Variants in CCDC7 observed in about 807,000 individuals in gnomAD.
CCDC7 encodes the protein coiled-coil domain-containing protein 7.
In CCDC7, 183 loss-of-function variants were observed where a neutral mutation model predicts 196.9. That is an observed-to-expected ratio of 0.93 (90% confidence interval 0.82 to 1.05). CCDC7 has a LOEUF of 1.05. Among genes scored for constraint, CCDC7 ranks in the 50% least tolerant of loss-of-function variants. The probability of loss-of-function intolerance (pLI) is 0.00; values close to 1 mark genes in which losing one functional copy is unlikely to be tolerated. For synonymous variants in CCDC7, 525 were observed against 484.6 expected, an observed-to-expected ratio of 1.08 and a Z score of -1.10; for missense variants, 1,540 against 1,482.2, an observed-to-expected ratio of 1.04 and a Z score of -0.64.
intron 30 of CCDC7, among the ~76,000 whole-genome samples, chr10:32,807,885 C>T (rs1334517928): frequency 6.6e-6 from 1 of 152,086 alleles, no homozygotes; most frequent in African/African-American, 2.4e-5. Flanking sequence ...CATGCACCAC[C>T]ATGCCCAGCT....
intron 16 of CCDC7, among the ~76,000 whole-genome samples, chr10:32,577,337 G>A (rs543865138): frequency 2.0e-5 from 3 of 152,174 alleles, no homozygotes; most frequent in African/African-American, 7.2e-5. Flanking sequence ...GTGACAGAGC[G>A]AGACTCCATC....
At chr10:32,713,667 A>G (rs558787396) in intron 25 of CCDC7, among the ~76,000 whole-genome samples, 102 of 152,332 alleles carry the variant, frequency 6.7e-4, no homozygotes, top group Middle Eastern at 6.8e-3. Flanking sequence ...CTCACTATCT[A>G]TTGGGGGGCC....
chr10:32,720,866 T>C (rs1226854688), intron 25 of CCDC7, among the ~76,000 whole-genome samples: 1 of 152,042 alleles, frequency 6.6e-6, no homozygotes, highest in African/African-American at 2.4e-5. Context: ...CCGAAGTGGG[T>C]ATATTGCTTG....
intron 20 of CCDC7, among the ~76,000 whole-genome samples, chr10:32,643,794 T>C (rs568106591): frequency 6.6e-6 from 1 of 151,410 alleles, no homozygotes; most frequent in Admixed American, 6.6e-5. Flanking sequence ...GATTTTTACA[T>C]GTAACTTCAT....
intron 5 of CCDC7, among the ~76,000 whole-genome samples, chr10:32,469,352 A>C (rs1588890272): frequency 6.6e-6 from 1 of 152,368 alleles, no homozygotes; most frequent in South Asian, 2.1e-4. Context: ...GGATGGAATC[A>C]GAATATGAAT....
chr10:32,483,132 C>T (rs1456586351), intron 8 of CCDC7, among the ~76,000 whole-genome samples: 4 of 152,282 alleles, frequency 2.6e-5, no homozygotes, highest in African/African-American at 9.6e-5. Flanking sequence ...AAAAGTGTTC[C>T]TATTTCTCCA....
In CCDC7 at chr10:32,642,078, C is replaced by T. The variant is rs923537301; in HGVS notation, c.2014+6920C>T. ...TCTGCCCCTACTGGGGGGTGCCTCC[C>T]AGTTAGGCTACTCGGGTCAGGGACC... is the stretch of plus-strand genomic sequence containing the variant. On this transcript the variant is annotated intron_variant, in intron 20 of 41. Coordinates refer to ENST00000639629, the Ensembl canonical transcript of CCDC7. Among the ~76,000 whole-genome samples, 16 of 152,206 alleles carry T rather than the reference C, an allele frequency of 1.1e-4. 1 individual carries two copies. The highest frequency in any genetic ancestry group is 9.8e-4 in the Admixed American group (15 of 15,284).
intron 25 of CCDC7, among the ~76,000 whole-genome samples, chr10:32,712,662 A>C (rs2081020738): frequency 6.6e-6 from 1 of 152,214 alleles, no homozygotes; most frequent in African/African-American, 2.4e-5. Context: ...ATTGTAACCT[A>C]TCCTACATAA....
At chr10:32,755,615 A>G (rs55775627) in intron 28 of CCDC7, among the ~76,000 whole-genome samples, 17,257 of 152,160 alleles carry the variant, frequency 0.11, 1,167 homozygotes, top group South Asian at 0.27. Context: ...CCAACATCAA[A>G]GACCAAAGTT....
chr10:32,718,849 A>C (rs1263362262), intron 25 of CCDC7, among the ~76,000 whole-genome samples: 1 of 152,214 alleles, frequency 6.6e-6, no homozygotes, highest in Non-Finnish European at 1.5e-5. Flanking sequence ...GAAAGCTACA[A>C]ACCACTGCTC....
chr10:32,742,300 A>G (rs1387145992), intron 28 of CCDC7, among the ~76,000 whole-genome samples: 1 of 152,152 alleles, frequency 6.6e-6, no homozygotes, highest in Non-Finnish European at 1.5e-5. Flanking sequence ...CCTGCACCAG[A>G]GTAAAACATT....
chr10:32,872,700 T>G (rs1196070088), intron 41 of CCDC7, among the ~76,000 whole-genome samples: 1 of 151,870 alleles, frequency 6.6e-6, no homozygotes, highest in Non-Finnish European at 1.5e-5. Context: ...CCATGTTTAG[T>G]GCTTCCTTCA....
intron 11 of CCDC7, among the ~76,000 whole-genome samples, chr10:32,542,594 C>T (rs936692524): frequency 2.1e-4 from 29 of 137,706 alleles, no homozygotes; most frequent in African/African-American, 7.7e-4. Flanking sequence ...GATCATGCCA[C>T]TGCATTCCAG....
At chr10:32,473,526 C>T (rs1051175074) in intron 7 of CCDC7, among the ~76,000 whole-genome samples, 2 of 152,020 alleles carry the variant, frequency 1.3e-5, no homozygotes, top group African/African-American at 4.8e-5. Flanking sequence ...CCTGATTGCA[C>T]TGTAGAAGCT....
intron 16 of CCDC7, among the ~76,000 whole-genome samples, chr10:32,579,961 G>A (rs566670077): frequency 6.6e-6 from 1 of 151,842 alleles, no homozygotes; most frequent in Non-Finnish European, 1.5e-5. Context: ...CACATAACAA[G>A]GTTTATTGAG....
chr10:32,681,026 G>C (rs965483819), intron 21 of CCDC7, among the ~76,000 whole-genome samples: 11 of 152,162 alleles, frequency 7.2e-5, no homozygotes, highest in Non-Finnish European at 1.3e-4. Context: ...ATGTCCCTGA[G>C]TGCTTTCCTG....
intron 41 of CCDC7, among the ~76,000 whole-genome samples, chr10:32,866,865 A>T (rs2094217142): frequency 6.6e-6 from 1 of 151,750 alleles, no homozygotes; most frequent in Non-Finnish European, 1.5e-5. Flanking sequence ...AATAGACACC[A>T]TTACAATCTA....
intron 29 of CCDC7, among the ~76,000 whole-genome samples, chr10:32,803,201 G>A (rs1022438613): frequency 6.6e-6 from 1 of 152,234 alleles, no homozygotes; most frequent in East Asian, 1.9e-4. Flanking sequence ...GCGAAGTGAT[G>A]AGAATGTGTA....
intron 41 of CCDC7, among the ~76,000 whole-genome samples, chr10:32,874,560 C>A (rs1320913484): frequency 6.6e-6 from 1 of 151,598 alleles, no homozygotes; most frequent in Non-Finnish European, 1.5e-5. Flanking sequence ...CGAATTACTT[C>A]ACTTAGAATA....
Sources: gnomAD v4.1 joint callset for allele counts (sites outside exome capture counted in the v4.1 genomes callset) on GRCh38, gnomAD v4.1.1 for gene constraint, MANE v1.5 for transcripts, NCBI Gene and HGNC (gene_info 2026-07-23, HGNC 2026-07-21) for gene names.